The following RASAL2 variants were observed in gnomAD, a reference collection of about 807,000 sequenced individuals.
RASAL2 encodes ras GTPase-activating protein nGAP.
RASAL2 carries 58 observed loss-of-function variants against 128.9 expected under a neutral mutation model. That is an observed-to-expected ratio of 0.45 (90% CI 0.36 to 0.56). The LOEUF is 0.56. Among genes scored for constraint, RASAL2 ranks in the 20% least tolerant of loss-of-function variants. RASAL2 has a pLI of 0.00. For missense variants in RASAL2, 1,360 were observed against 1,601.6 expected (o/e 0.85, Z 2.57); for synonymous variants, 561 against 580.8 (o/e 0.97, Z 0.49).
intron 4 of RASAL2, among the ~76,000 whole-genome samples, chr1:178,393,687 C>T (rs540090820): frequency 6.6e-6 from 1 of 152,324 alleles, no homozygotes; most frequent in African/African-American, 2.4e-5. Context: ...TTTCTTCACA[C>T]ATACCGTAAT....
At chr1:178,176,791 G>C (rs931060764) in intron 1 of RASAL2, among the ~76,000 whole-genome samples, 10 of 151,938 alleles carry the variant, frequency 6.6e-5, no homozygotes, top group Admixed American at 6.6e-4. Flanking sequence ...GACTACAGGC[G>C]TGTGCCACCA....
At position 178,290,528 on chromosome 1, in the gene RASAL2, ATAAAGT is replaced by A. The variant is rs1228319002; in HGVS notation, c.330+6842_330+6847del. Among the ~76,000 whole-genome samples the A allele has an allele frequency of 3.9e-5, 6 of 152,358 alleles. No individual in the cohort carries two copies. In the South Asian group the frequency reaches 1.2e-3, roughly 32 times the overall value. ...AGATGCAGTTTTGTTGAGAGGTAAA[ATAAAGT>A]TAAAACCATTTGGAATTAGACAGCA... On this transcript the variant is annotated intron_variant, in intron 2 of 17. Transcript: ENST00000367649.
intron 1 of RASAL2, among the ~76,000 whole-genome samples, chr1:178,281,386 A>G (rs1010369141): frequency 6.6e-6 from 1 of 152,078 alleles, no homozygotes; most frequent in Non-Finnish European, 1.5e-5. Flanking sequence ...AATTAGGAAA[A>G]GGATTAGGTT....
chr1:178,361,867 A>C (rs1671125964), intron 3 of RASAL2, among the ~76,000 whole-genome samples: 1 of 152,104 alleles, frequency 6.6e-6, no homozygotes. Context: ...AGATGGTCTC[A>C]TCTGGGGGTG....
intron 5 of RASAL2, among the ~76,000 whole-genome samples, chr1:178,439,051 C>A (rs938898668): frequency 1.2e-4 from 18 of 151,814 alleles, no homozygotes; most frequent in South Asian, 6.2e-4. Flanking sequence ...TTGGCAATAC[C>A]TTTGCATAAG....
chr1:178,206,052 A>G (rs1204140184), intron 1 of RASAL2, among the ~76,000 whole-genome samples: 1 of 151,984 alleles, frequency 6.6e-6, no homozygotes, highest in East Asian at 1.9e-4. Context: ...TTTCTTCCTT[A>G]GCTCAAGTCC....
chr1:178,321,569 T>G (rs904201638), intron 3 of RASAL2, among the ~76,000 whole-genome samples: 1 of 152,058 alleles, frequency 6.6e-6, no homozygotes, highest in East Asian at 1.9e-4. Flanking sequence ...CAGTGGCGCA[T>G]GGCATGATCA....
In RASAL2 at chr1:178,454,577, T is replaced by C. The variant is rs747068951; in HGVS notation, c.2140T>C (p.Tyr714His). 17 of 1,613,860 alleles carry C rather than the reference T, an allele frequency of 1.1e-5. No individual in the cohort carries two copies. The South Asian group carries it at 1.9e-4, about 18-fold the overall frequency. ...TISNTPGFDG[Y>H]IDLGRELSVL... ...CTCAAACACCCCAGGCTTTGATGGT[T>C]ACATTGATCTGGGCCGAGAGCTTTC... Residue 714 changes from tyrosine to histidine, a missense_variant, in exon 12 of 18, where the codon TAC becomes CAC. Physicochemically the swap from Tyr to His is moderately conservative, Grantham distance 83. This residue lies in a region of RASAL2 where 741 missense variants were observed against 868.6 expected (regional missense o/e 0.85). Transcript: ENST00000367649.
intron 3 of RASAL2, among the ~76,000 whole-genome samples, chr1:178,302,658 A>C (rs1667817263): frequency 6.6e-6 from 1 of 152,224 alleles, no homozygotes; most frequent in Non-Finnish European, 1.5e-5. Context: ...TTGATTCTAA[A>C]ATTCATCTCG....
At chr1:178,470,611 G>A in intron 17 of RASAL2, 1 of 1,150,360 alleles carries the variant, frequency 8.7e-7, no homozygotes, top group Non-Finnish European at 1.2e-6. Flanking sequence ...GTGGAGAACA[G>A]AGAAGGGCTT....
chr1:178,180,509 A>C lies in RASAL2; in HGVS notation c.202+85815A>C, dbSNP rs78226034. Among the ~76,000 whole-genome samples, 247 of 98,418 alleles carry C rather than the reference A, an allele frequency of 2.5e-3. 2 individuals carry two copies. The highest frequency in any genetic ancestry group is 6.9e-3 in the African/African-American group (201 of 29,144). 64.6% of individuals were successfully genotyped at this position (98,418 alleles called of 152,430 possible). A position where few individuals can be genotyped will look rare whatever the true frequency, so the allele number is the denominator to read the frequency against. Reference sequence around the variant, plus strand: ...CCAAAAAAAAAAAAAAAAAAAAAAAACCCACAAAAAGTAGCCTAGTATGAT... The same window carrying C: ...CCAAAAAAAAAAAAAAAAAAAAAAACCCCACAAAAAGTAGCCTAGTATGAT... On this transcript the variant is annotated intron_variant, in intron 1 of 17. Transcript: ENST00000367649.
intron 3 of RASAL2, among the ~76,000 whole-genome samples, chr1:178,301,889 G>A (rs1365882821): frequency 6.6e-6 from 1 of 152,144 alleles, no homozygotes; most frequent in African/African-American, 2.4e-5. Flanking sequence ...TATCTACAGT[G>A]TTCGAGGTAC....
intron 1 of RASAL2, among the ~76,000 whole-genome samples, chr1:178,106,280 T>C (rs1462794552): frequency 6.6e-6 from 1 of 152,244 alleles, no homozygotes; most frequent in African/African-American, 2.4e-5. Flanking sequence ...CTATAATCTA[T>C]ATTTGCATGT....
chr1:178,177,260 T>TA (rs1307301780), intron 1 of RASAL2, among the ~76,000 whole-genome samples: 1 of 152,242 alleles, frequency 6.6e-6, no homozygotes, highest in Non-Finnish European at 1.5e-5. Context: ...GGATCAGTGT[T>TA]ACTTGGGATT....
chr1:178,094,795 C>G, intron 1 of RASAL2, 101 bp downstream of exon 1: 1 of 1,396,402 alleles, frequency 7.2e-7, no homozygotes, highest in Non-Finnish European at 9.8e-7. Flanking sequence ...CTCATCCGTG[C>G]TAGGTCAGTT....
chr1:178,267,742 T>C (rs1666038941), intron 1 of RASAL2, among the ~76,000 whole-genome samples: 1 of 151,204 alleles, frequency 6.6e-6, no homozygotes, highest in Admixed American at 6.6e-5. Flanking sequence ...CAGAGGATGG[T>C]CTCAATCTCC....
chr1:178,205,115 G>T (rs985663010), intron 1 of RASAL2, among the ~76,000 whole-genome samples: 3 of 152,042 alleles, frequency 2.0e-5, no homozygotes, highest in Non-Finnish European at 4.4e-5. Flanking sequence ...AGCAATTCTT[G>T]TGCCTCAGCC....
intron 3 of RASAL2, among the ~76,000 whole-genome samples, chr1:178,387,380 T>G (rs1316880184): frequency 1.3e-5 from 2 of 152,142 alleles, no homozygotes; most frequent in Non-Finnish European, 2.9e-5. Flanking sequence ...TTTTTAATTT[T>G]ATTATTATTA....
intron 1 of RASAL2, among the ~76,000 whole-genome samples, chr1:178,233,933 T>C (rs1441218714): frequency 6.6e-6 from 1 of 152,240 alleles, no homozygotes; most frequent in Non-Finnish European, 1.5e-5. Flanking sequence ...TTAGTTACTG[T>C]TGAAATTTTA....
Sources: allele counts gnomAD v4.1 joint callset (sites outside exome capture counted in the v4.1 genomes callset), GRCh38; gene constraint gnomAD v4.1.1; regional missense constraint gnomAD v4.1.1; transcripts MANE v1.5; gene names NCBI Gene and HGNC (gene_info 2026-07-23, HGNC 2026-07-21).